The following HTR4 variants were observed in gnomAD, a reference collection of about 807,000 sequenced individuals.
HTR4 encodes the protein 5-hydroxytryptamine (serotonin) receptor 4, G protein-coupled.
In HTR4, 16 loss-of-function variants were observed where a neutral mutation model predicts 36.8. The ratio of observed to expected loss-of-function variants is 0.43; its 90% CI spans 0.29 to 0.66. The LOEUF (loss-of-function observed/expected upper bound fraction) is 0.66, where lower values mean the gene tolerates loss of function less well. Ranked by LOEUF, HTR4 falls within the 30% of genes least tolerant of loss-of-function variation. The pLI, the probability that HTR4 is intolerant of heterozygous loss-of-function variation, is 0.13. For missense variants in HTR4, 438 were observed against 490.9 expected (o/e 0.89, Z 1.02); for synonymous variants, 189 against 185.1 (o/e 1.02, Z -0.17).
chr5:148,533,893 A>T (rs146879994), intron 4 of HTR4, among the ~76,000 whole-genome samples: 148 of 152,334 alleles, frequency 9.7e-4, no homozygotes, highest in African/African-American at 3.4e-3. Flanking sequence ...TTATAAACAG[A>T]CTCAAATATA....
In HTR4 at chr5:148,621,746, G is replaced by T. The variant is rs116357189; in HGVS notation, c.26+15243C>A. Among the ~76,000 whole-genome samples the T allele has an allele frequency of 1.9e-3, 296 of 152,260 alleles. 2 individuals are homozygous for T. Among genetic ancestry groups the T allele is most frequent in the Middle Eastern group, 6.8e-3 (2 of 294 alleles). On this transcript the variant is annotated intron_variant, in intron 2 of 6. Coordinates refer to ENST00000377888, the MANE Select transcript of HTR4 (RefSeq NM_000870.7). ...TCTGTACTTCAAGGGGTGGCTTCTA[G>T]TGAAGTCTCTCCTGATGATGTACTT... is the stretch of plus-strand genomic sequence containing the variant.
intron 2 of HTR4, among the ~76,000 whole-genome samples, chr5:148,624,048 G>A (rs1031358364): frequency 6.6e-6 from 1 of 152,126 alleles, no homozygotes; most frequent in Non-Finnish European, 1.5e-5. Context: ...CCTAAGGTAC[G>A]GTCAGCTTTA....
chr5:148,576,734 C>T (rs1581499081), intron 2 of HTR4, among the ~76,000 whole-genome samples: 1 of 152,020 alleles, frequency 6.6e-6, no homozygotes, highest in Non-Finnish European at 1.5e-5. Flanking sequence ...ACTCCCTATT[C>T]AATAAAGGGT....
At chr5:148,484,447 G>A in intron 6 of HTR4, 1 of 1,453,350 alleles carries the variant, frequency 6.9e-7, no homozygotes, top group Non-Finnish European at 9.4e-7. Context: ...CACAAGCTAT[G>A]AGTCTATGGT....
At chr5:148,605,618 C>T (rs541096359) in intron 2 of HTR4, among the ~76,000 whole-genome samples, 105 of 152,102 alleles carry the variant, frequency 6.9e-4, no homozygotes, top group African/African-American at 2.5e-3. Flanking sequence ...GCAGTTACTA[C>T]CTATATTGAA....
chr5:148,642,519 T>A (rs1328006799), intron 1 of HTR4, among the ~76,000 whole-genome samples: 1 of 152,204 alleles, frequency 6.6e-6, no homozygotes, highest in East Asian at 1.9e-4. Flanking sequence ...ATCCAAAGGC[T>A]TGTTGTTGAC....
At chr5:148,530,821 G>A (rs1354274785) in intron 4 of HTR4, among the ~76,000 whole-genome samples, 2 of 152,346 alleles carry the variant, frequency 1.3e-5, no homozygotes, top group Admixed American at 6.5e-5. Context: ...AGCCACAGCA[G>A]TGGAGCTTCC....
At chr5:148,612,946 C>G (rs998963757) in intron 2 of HTR4, among the ~76,000 whole-genome samples, 1 of 150,160 alleles carries the variant, frequency 6.7e-6, no homozygotes, top group East Asian at 2.0e-4. Context: ...TGGATAAATT[C>G]CTTGACACAT....
intron 4 of HTR4, among the ~76,000 whole-genome samples, chr5:148,527,930 A>G (rs145707175): frequency 0.011 from 1,686 of 152,258 alleles, 14 homozygotes; most frequent in Admixed American, 0.019. Flanking sequence ...CACATTTTAC[A>G]TATACAGTCA....
intron 4 of HTR4, among the ~76,000 whole-genome samples, chr5:148,544,312 TC>T (rs1759271963): frequency 6.6e-6 from 1 of 150,986 alleles, no homozygotes; most frequent in Non-Finnish European, 1.5e-5. Context: ...TCTCTTTCTC[TC>T]TCTCTCCACC....
intron 6 of HTR4, among the ~76,000 whole-genome samples, chr5:148,488,599 T>TA (rs928970352): frequency 3.6e-4 from 54 of 151,488 alleles, no homozygotes; most frequent in South Asian, 2.1e-4. Context: ...GGTGATATGA[T>TA]AAAAAAAAAT....
chr5:148,496,290 A>G (rs1756682107), intron 6 of HTR4, among the ~76,000 whole-genome samples: 1 of 152,168 alleles, frequency 6.6e-6, no homozygotes, highest in Admixed American at 6.5e-5. Flanking sequence ...TGATTCAATG[A>G]GTGGGACCCA....
intron 2 of HTR4, among the ~76,000 whole-genome samples, chr5:148,551,609 C>A (rs961555813): frequency 2.6e-5 from 4 of 152,130 alleles, no homozygotes; most frequent in East Asian, 3.9e-4. Flanking sequence ...ATAAAATGTT[C>A]TTTTTAATGA....
intron 2 of HTR4, among the ~76,000 whole-genome samples, chr5:148,562,841 A>C (rs35558914): frequency 0.24 from 36,701 of 152,030 alleles, 5,397 homozygotes; most frequent in Non-Finnish European, 0.33. Flanking sequence ...CTCTAACTTC[A>C]TAACGTTTCC....
chr5:148,553,438 C>G (rs1026355781), intron 2 of HTR4, among the ~76,000 whole-genome samples: 1 of 152,186 alleles, frequency 6.6e-6, no homozygotes, highest in Admixed American at 6.5e-5. Flanking sequence ...AATCCACCCT[C>G]AGAGGTGCTG....
chr5:148,574,849 T>C (rs1760830313), intron 2 of HTR4, among the ~76,000 whole-genome samples: 1 of 152,116 alleles, frequency 6.6e-6, no homozygotes, highest in Non-Finnish European at 1.5e-5. Context: ...TTATTTTTCA[T>C]ATTGTCAAAT....
chr5:148,594,132 A>G (rs1761678935), intron 2 of HTR4, among the ~76,000 whole-genome samples: 2 of 152,214 alleles, frequency 1.3e-5, no homozygotes, highest in Admixed American at 1.3e-4. Context: ...TTTCAGTAGC[A>G]GTATAACATA....
intron 2 of HTR4, among the ~76,000 whole-genome samples, chr5:148,559,602 G>T (rs1346919736): frequency 6.6e-6 from 1 of 152,030 alleles, no homozygotes; most frequent in East Asian, 1.9e-4. Context: ...ACATACAAAT[G>T]GACAATGGCC....
intron 2 of HTR4, among the ~76,000 whole-genome samples, chr5:148,585,627 G>A (rs2127252184): frequency 6.6e-6 from 1 of 152,272 alleles, no homozygotes; most frequent in East Asian, 1.9e-4. Context: ...GAAGCCCAGA[G>A]ATGTTAAATG....
Sources: allele counts gnomAD v4.1 joint callset (sites outside exome capture counted in the v4.1 genomes callset), GRCh38; gene constraint gnomAD v4.1.1; transcripts MANE v1.5; gene names NCBI Gene and HGNC (gene_info 2026-07-23, HGNC 2026-07-21).